The following MBNL3 variants were observed in gnomAD, a reference collection of about 807,000 sequenced individuals.
MBNL3 encodes the protein muscleblind-like protein 3.
Under a neutral mutation model 24.5 loss-of-function variants are expected in MBNL3, and 6 were observed. That is an observed-to-expected ratio of 0.25 (90% confidence interval 0.13 to 0.48). The LOEUF (loss-of-function observed/expected upper bound fraction) is 0.48, where lower values mean the gene tolerates loss of function less well. MBNL3 is among the 20% of genes least tolerant of loss of function. MBNL3 has a pLI of 0.99. For missense variants in MBNL3, 230 were observed against 293.5 expected (o/e 0.78, Z 1.58); for synonymous variants, 100 against 101.7 (o/e 0.98, Z 0.10).
intron 1 of MBNL3, among the ~76,000 whole-genome samples, chrX:132,454,965 A>C (rs1238178562): frequency 2.7e-5 from 3 of 112,333 alleles, no homozygotes; most frequent in Non-Finnish European, 5.6e-5. Context: ...TTTATGCTTC[A>C]CTGGAAATTG....
At chrX:132,413,630 A>T in intron 2 of MBNL3, 1 of 1,061,637 alleles carries the variant, frequency 9.4e-7, no homozygotes, top group Non-Finnish European at 1.2e-6. Flanking sequence ...TGGAGACAGC[A>T]ATTTTTGATC....
In MBNL3 at chrX:132,396,567, CCT is replaced by C. The variant is rs1436752639; in HGVS notation, c.343-4235_343-4234del. 3.4e-3 allele frequency among the ~76,000 whole-genome samples: 164 copies of C among 48,848 alleles called. 5 individuals are homozygous for C. Among genetic ancestry groups the C allele is most frequent in the Non-Finnish European group, 5.1e-3 (147 of 28,784 alleles). 42.4% of individuals were successfully genotyped at this position (48,848 alleles called of 115,157 possible). ...ATTCCTATATATTCCTATATATATT[CCT>C]ATATATATTCCTATATATATTCCTA... On this transcript the variant is annotated intron_variant, in intron 3 of 8. Coordinates refer to ENST00000370853, the MANE Select transcript of MBNL3 (RefSeq NM_001386889.1).
chrX:132,448,770 G>A (rs1424033267), intron 1 of MBNL3, among the ~76,000 whole-genome samples: 1 of 111,655 alleles, frequency 9.0e-6, no homozygotes, highest in Non-Finnish European at 1.9e-5. Flanking sequence ...TTCTCCTGTG[G>A]GCATTTAGTG....
rs1934207077 is a variant in MBNL3, at chrX:132,376,959, G to A, written c.*2707C>T. 1 of 111,379 alleles carries A rather than the reference G, an allele frequency of 9.0e-6. No homozygotes were observed. The highest frequency in any genetic ancestry group is 1.9e-5 in the Non-Finnish European group (1 of 52,922). The allele number at this position is 111,379 out of a possible 1,213,427, so 9.2% of individuals were successfully genotyped here. ...ACAGTGGCCCTAAATACCCCTCACG[G>A]AACCTTTTACTTTAAGGTAAGTCAT... On this transcript the variant is annotated 3_prime_UTR_variant, in exon 9 of 9. Coordinates refer to ENST00000370853, the MANE Select transcript of MBNL3 (RefSeq NM_001386889.1).
At chrX:132,470,099 C>G (rs1947098916) in intron 1 of MBNL3, among the ~76,000 whole-genome samples, 1 of 111,512 alleles carries the variant, frequency 9.0e-6, no homozygotes, top group Admixed American at 9.6e-5. Context: ...TTTTGCTTAC[C>G]TGTTCATTAG....
At chrX:132,398,844 C>T (rs1440731660) in intron 3 of MBNL3, among the ~76,000 whole-genome samples, 2 of 111,031 alleles carry the variant, frequency 1.8e-5, no homozygotes, top group African/African-American at 6.5e-5. Context: ...CAAAACAGAA[C>T]CTTGCATGGC....
At chrX:132,451,241 C>T (rs757052035) in intron 1 of MBNL3, among the ~76,000 whole-genome samples, 1 of 112,666 alleles carries the variant, frequency 8.9e-6, no homozygotes, top group South Asian at 3.7e-4. Context: ...CAGGCAGGAA[C>T]GTTTAAGTCT....
chrX:132,396,442 ATATATATTCC>A (rs1432376785), intron 3 of MBNL3, among the ~76,000 whole-genome samples: 17 of 75,731 alleles, frequency 2.2e-4, no homozygotes, highest in Non-Finnish European at 3.8e-4. Context: ...ATATATATTC[ATATATATTCC>A]TATATATATA....
chrX:132,424,391 G>C (rs1944101302), intron 2 of MBNL3, among the ~76,000 whole-genome samples: 3 of 111,549 alleles, frequency 2.7e-5, no homozygotes, highest in Non-Finnish European at 5.7e-5. Context: ...TGTGAACAGT[G>C]GGGAGATCAA....
intron 3 of MBNL3, among the ~76,000 whole-genome samples, chrX:132,394,940 T>C (rs1937789515): frequency 1.8e-5 from 2 of 112,198 alleles, no homozygotes; most frequent in South Asian, 7.3e-4. Flanking sequence ...ACTGAAAGTA[T>C]TTAGATTTTT....
intron 3 of MBNL3, among the ~76,000 whole-genome samples, chrX:132,396,571 T>A (rs1237594626): frequency 1.4e-4 from 5 of 35,374 alleles, no homozygotes; most frequent in Non-Finnish European, 2.1e-4. Flanking sequence ...TATATTCCTA[T>A]ATATATTCCT....
intron 1 of MBNL3, among the ~76,000 whole-genome samples, chrX:132,442,554 GATCT>G (rs1291129458): frequency 3.6e-5 from 4 of 112,088 alleles, no homozygotes; most frequent in Non-Finnish European, 5.6e-5. Context: ...TGACAAAAAA[GATCT>G]ATCTATCTAT....
chrX:132,479,502 CT>C (rs1194304233), intron 1 of MBNL3, among the ~76,000 whole-genome samples: 2 of 111,748 alleles, frequency 1.8e-5, no homozygotes, highest in African/African-American at 6.5e-5. Flanking sequence ...TCATCAGCCG[CT>C]TTTTTGTTTA....
At chrX:132,416,889 G>A (rs998315775) in intron 2 of MBNL3, among the ~76,000 whole-genome samples, 1 of 111,813 alleles carries the variant, frequency 8.9e-6, no homozygotes, top group African/African-American at 3.2e-5. Flanking sequence ...CCAACTTACT[G>A]TTTGTTTTTG....
chrX:132,470,187 C>A (rs975207386), intron 1 of MBNL3, among the ~76,000 whole-genome samples: 6 of 111,212 alleles, frequency 5.4e-5, no homozygotes, highest in Admixed American at 2.9e-4. Flanking sequence ...CATGATTAGG[C>A]TAAAGAAGGA....
At chrX:132,395,076 T>C (rs772208386) in intron 3 of MBNL3, among the ~76,000 whole-genome samples, 1 of 111,775 alleles carries the variant, frequency 8.9e-6, no homozygotes, top group Non-Finnish European at 1.9e-5. Flanking sequence ...AAGCAAGCTA[T>C]CCCATTCTCA....
At chrX:132,469,151 A>G (rs1270254879) in intron 1 of MBNL3, among the ~76,000 whole-genome samples, 1 of 112,300 alleles carries the variant, frequency 8.9e-6, no homozygotes, top group Non-Finnish European at 1.9e-5. Flanking sequence ...TGAATGAACT[A>G]GATCCAGACA....
intron 2 of MBNL3, among the ~76,000 whole-genome samples, chrX:132,419,196 G>C (rs922189626): frequency 6.2e-5 from 7 of 112,470 alleles, no homozygotes; most frequent in Non-Finnish European, 1.1e-4. Flanking sequence ...TTCGCTAGTT[G>C]GTTTGGGAGA....
At chrX:132,478,692 A>C (rs1947572094) in intron 1 of MBNL3, among the ~76,000 whole-genome samples, 1 of 112,349 alleles carries the variant, frequency 8.9e-6, no homozygotes, top group Non-Finnish European at 1.9e-5. Flanking sequence ...ATTTAATGCA[A>C]TTCTGTTTAA....
Sources: gnomAD v4.1 joint callset for allele counts (sites outside exome capture counted in the v4.1 genomes callset) on GRCh38, gnomAD v4.1.1 for gene constraint, MANE v1.5 for transcripts, NCBI Gene and HGNC (gene_info 2026-07-23, HGNC 2026-07-21) for gene names.